The following ANKRD18B variants were observed in gnomAD, a reference collection of about 807,000 sequenced individuals.
ANKRD18B encodes the protein ankyrin repeat domain-containing protein 18B.
Under a neutral mutation model 111.8 loss-of-function variants are expected in ANKRD18B, and 75 were observed. The observed-to-expected ratio is 0.67, with a 90% CI of 0.56 to 0.81. The LOEUF (loss-of-function observed/expected upper bound fraction) is 0.81. Ranked by LOEUF, ANKRD18B falls within the 40% of genes least tolerant of loss-of-function variation. The probability of loss-of-function intolerance (pLI) is 0.00; values close to 1 mark genes in which losing one functional copy is unlikely to be tolerated. For missense variants in ANKRD18B, 1,038 were observed against 1,225.5 expected, an observed-to-expected ratio of 0.85 and a Z score of 2.28; for synonymous variants, 356 against 417.3, an observed-to-expected ratio of 0.85 and a Z score of 1.79.
chr9:33,557,378 A>G (rs1439759516), intron 13 of ANKRD18B, among the ~76,000 whole-genome samples: 3 of 151,936 alleles, frequency 2.0e-5, no homozygotes, highest in African/African-American at 4.8e-5. Flanking sequence ...TCATACATAT[A>G]TATGTTTTAC....
intron 12 of ANKRD18B, among the ~76,000 whole-genome samples, chr9:33,554,658 T>TG (rs1338734732): frequency 6.6e-6 from 1 of 151,964 alleles, no homozygotes; most frequent in Non-Finnish European, 1.5e-5. Context: ...AACAATTAGC[T>TG]GGGTGAGGTG....
chr9:33,568,648 A>G, intron 16 of ANKRD18B, 23 bp from the exon 17 acceptor site: 11 of 1,489,018 alleles, frequency 7.4e-6, no homozygotes, highest in East Asian at 2.5e-5. Flanking sequence ...AATACTAAGC[A>G]TTTGTCTTTG....
At chr9:33,535,656 A>T (rs888091814) in intron 5 of ANKRD18B, among the ~76,000 whole-genome samples, 42 of 147,794 alleles carry the variant, frequency 2.8e-4, no homozygotes, top group Non-Finnish European at 5.4e-4. Context: ...CATATAGATT[A>T]TATAATCTAT....
At chr9:33,535,097 A>G (rs1272501481) in intron 5 of ANKRD18B, among the ~76,000 whole-genome samples, 1 of 151,962 alleles carries the variant, frequency 6.6e-6, no homozygotes, top group African/African-American at 2.4e-5. Context: ...AAGTCAGAAG[A>G]AGAGGGGAAA....
intron 1 of ANKRD18B, among the ~76,000 whole-genome samples, chr9:33,525,392 G>A (rs1363110848): frequency 6.6e-6 from 1 of 152,118 alleles, no homozygotes; most frequent in Non-Finnish European, 1.5e-5. Flanking sequence ...TGAAATATAT[G>A]TAAGATATAT....
chr9:33,548,925 C>G, intron 11 of ANKRD18B, 70 bp downstream of exon 11: 2 of 1,311,714 alleles, frequency 1.5e-6, no homozygotes, highest in Non-Finnish European at 2.0e-6. Flanking sequence ...ATATGTTGAA[C>G]GTAGTTCAAT....
chr9:33,546,832 G>T (rs1828363421), intron 10 of ANKRD18B, among the ~76,000 whole-genome samples: 1 of 152,120 alleles, frequency 6.6e-6, no homozygotes, highest in Non-Finnish European at 1.5e-5. Flanking sequence ...AGAGTGGACA[G>T]CTATACTGTG....
At position 33,554,102 on chromosome 9, in the gene ANKRD18B, A is replaced by G. The variant is rs555037741; in HGVS notation, c.2218-1606A>G. 5.9e-5 allele frequency among the ~76,000 whole-genome samples: 9 copies of G among 151,838 alleles called. 1 individual carries two copies. The South Asian group carries it at 1.2e-3, about 21-fold the overall frequency. On this transcript the variant is annotated intron_variant, in intron 12 of 18. Coordinates refer to ENST00000684830, the MANE Select transcript of ANKRD18B (RefSeq NM_001393611.1). ...AAAAATAAATAAATAAGAAAAAGAA[A>G]AAACGGACAAAATATACTGGCCCAA... is the stretch of plus-strand genomic sequence containing the variant.
At chr9:33,551,348 C>T (rs1314016010) in intron 12 of ANKRD18B, among the ~76,000 whole-genome samples, 1 of 152,224 alleles carries the variant, frequency 6.6e-6, no homozygotes, top group African/African-American at 2.4e-5. Flanking sequence ...AATGCTAGAA[C>T]ATTTTCACCA....
rs1459848296 is a variant in ANKRD18B, at chr9:33,548,504, A to G, written c.1716A>G (p.Thr572=). The part of the protein sequence containing the change: ...RETRDALREK[T]LALESVQLDL... ...CAAGAGATGCTCTCAGGGAAAAGACATTGGCTTTAGAAAGTGTACAGCTGG... is the reference window on the plus strand; with the variant it reads ...CAAGAGATGCTCTCAGGGAAAAGACGTTGGCTTTAGAAAGTGTACAGCTGG... Residue 572 remains threonine, a synonymous_variant, in exon 11 of 19, where the codon ACA becomes ACG. Coordinates refer to ENST00000684830, the MANE Select transcript of ANKRD18B (RefSeq NM_001393611.1). 1 of 1,551,200 alleles carries G rather than the reference A, an allele frequency of 6.4e-7. No individual in the cohort carries two copies. The highest frequency in any genetic ancestry group is 2.4e-5 in the East Asian group (1 of 40,920).
At chr9:33,557,403 G>T (rs1337794038) in intron 13 of ANKRD18B, among the ~76,000 whole-genome samples, 25 of 151,572 alleles carry the variant, frequency 1.6e-4, no homozygotes, top group South Asian at 4.2e-4. Flanking sequence ...TTAAAGTCTT[G>T]GTTACTCATC....
chr9:33,550,017 T>C (rs1828423594), intron 11 of ANKRD18B, among the ~76,000 whole-genome samples: 1 of 152,098 alleles, frequency 6.6e-6, no homozygotes, highest in Admixed American at 6.6e-5. Context: ...GGGATTGAAG[T>C]TTGTACGGGA....
At chr9:33,564,706 T>A (rs767861749) in intron 14 of ANKRD18B, among the ~76,000 whole-genome samples, 1 of 152,176 alleles carries the variant, frequency 6.6e-6, no homozygotes, top group African/African-American at 2.4e-5. Flanking sequence ...ACCAGCACTT[T>A]TTTTTGTGTT....
At chr9:33,541,350 C>T (rs1346028109) in intron 9 of ANKRD18B, 123 bp downstream of exon 9, 3 of 1,350,606 alleles carry the variant, frequency 2.2e-6, no homozygotes, top group Non-Finnish European at 3.0e-6. Flanking sequence ...CAGTCTATTA[C>T]AAGGTTTTCA....
In ANKRD18B at chr9:33,548,518, G is replaced by A; in HGVS notation, c.1730G>A (p.Ser577Asn). The A allele has an allele frequency of 1.3e-6, 2 of 1,551,120 alleles. No homozygotes were observed. The highest frequency in any genetic ancestry group is 1.4e-5 in the African/African-American group (1 of 73,106). Residue 577 changes from serine to asparagine, a missense_variant, in exon 11 of 19, where the codon AGT becomes AAT. By Grantham distance (46) the Ser-to-Asn change is conservative. Around this residue, in one of 4 missense-constraint regions of ANKRD18B, gnomAD observed 524 missense variants for 677.9 expected, o/e 0.77. Transcript: ENST00000684830. Reference protein sequence around the residue: ...ALREKTLALESVQLDLKQAQH... With the variant: ...ALREKTLALENVQLDLKQAQH... ...AGGGAAAAGACATTGGCTTTAGAAAGTGTACAGCTGGACCTAAAGCAAGCG... is the reference window on the plus strand; with the variant it reads ...AGGGAAAAGACATTGGCTTTAGAAAATGTACAGCTGGACCTAAAGCAAGCG...
rs537304169 is a variant in ANKRD18B at position 33,564,076 on chromosome 9, C to T, written c.2461-2143C>T. On this transcript the variant is annotated intron_variant, in intron 14 of 18. Coordinates refer to ENST00000684830, the MANE Select transcript of ANKRD18B (RefSeq NM_001393611.1). ...AAACTCTTGGGCCCATGTCATCCTC[C>T]GACCTCACCCTCCTGAGCAGCTAGG... Among the ~76,000 whole-genome samples, 581 of 152,294 alleles carry T rather than the reference C, an allele frequency of 3.8e-3. 1 individual carries two copies. The highest frequency in any genetic ancestry group is 0.01 in the Middle Eastern group (3 of 294).
chr9:33,525,600 C>T (rs1178878520), intron 1 of ANKRD18B, among the ~76,000 whole-genome samples: 12 of 151,944 alleles, frequency 7.9e-5, no homozygotes, highest in Non-Finnish European at 4.4e-5. Flanking sequence ...TATACAGGTA[C>T]ATTTTACGTT....
At position 33,548,789 on chromosome 9, in the gene ANKRD18B, A is replaced by C; in HGVS notation, c.2001A>C (p.Leu667Phe). 1 of 1,540,940 alleles carries C rather than the reference A, an allele frequency of 6.5e-7. No homozygotes were observed. Among genetic ancestry groups the C allele is most frequent in the African/African-American group, 1.4e-5 (1 of 72,568 alleles). The part of the protein sequence containing the change: ...EDLLEERNKE[L>F]MNEYNYLKEK... ...TTCTAGAAGAAAGAAATAAGGAATT[A>C]ATGAATGAATATAATTATTTAAAAG... is the stretch of plus-strand genomic sequence containing the variant. The change falls in exon 11 of 19, where the codon TTA (leucine) becomes TTC (phenylalanine). Residue 667 changes from leucine to phenylalanine, a missense_variant. Physicochemically the swap from Leu to Phe is conservative, Grantham distance 22. Coordinates refer to ENST00000684830, the MANE Select transcript of ANKRD18B (RefSeq NM_001393611.1).
chr9:33,545,508 C>T (rs1828341210), intron 10 of ANKRD18B, among the ~76,000 whole-genome samples: 1 of 152,200 alleles, frequency 6.6e-6, no homozygotes, highest in East Asian at 1.9e-4. Context: ...ACCAATACAT[C>T]GCTTGTTCCA....
Sources: gnomAD v4.1 joint callset for allele counts (sites outside exome capture counted in the v4.1 genomes callset) on GRCh38, gnomAD v4.1.1 for gene constraint, gnomAD v4.1.1 regional missense constraint, MANE v1.5 for transcripts, NCBI Gene and HGNC (gene_info 2026-07-23, HGNC 2026-07-21) for gene names.